Variants in RABAC1 observed in about 807,000 individuals in gnomAD.
The protein encoded by RABAC1 is Rab acceptor 1.
RABAC1 carries 16 observed loss-of-function variants against 22.9 expected under a neutral mutation model. The observed-to-expected ratio is 0.70, with a 90% CI of 0.47 to 1.06. RABAC1 has a LOEUF of 1.06. Among genes scored for constraint, RABAC1 ranks in the 50% least tolerant of loss-of-function variants. The pLI is 0.00. For missense variants in RABAC1, 227 were observed against 246.5 expected (o/e 0.92, Z 0.53); for synonymous variants, 139 against 107.7 (o/e 1.29, Z -1.80).
At chr19:41,957,161 G>T in intron 3 of RABAC1, 42 bp from the exon 4 acceptor site, 1 of 1,534,942 alleles carries the variant, frequency 6.5e-7, no homozygotes, top group Non-Finnish European at 9.0e-7. Flanking sequence ...GACTCTCCAT[G>T]CCCTCTCCCA....
Position 41,958,294 on chromosome 19 carries a change from A to G in RABAC1, c.359T>C (p.Val120Ala). The G allele has an allele frequency of 6.2e-7, 1 of 1,612,088 alleles. No individual in the cohort carries two copies. The highest frequency in any genetic ancestry group is 2.2e-5 in the East Asian group (1 of 44,868). Residue 120 changes from valine to alanine, a missense_variant, in exon 3 of 5, where the codon GTG (valine) becomes GCG (alanine). By Grantham distance (64) the Val-to-Ala change is moderately conservative. Transcript: ENST00000222008. ...GGCAGGGGGTTTCTCACCAAAGAGC[A>G]CAAGCTTGGACTCCAAGGTGCGCAG... is the stretch of plus-strand genomic sequence containing the variant. ...LYLRTLESKL[V>A]LFGREVSPAH...
Position 41,956,874 on chromosome 19 carries a change from C to T in RABAC1, c.530G>A (p.Gly177Glu). The T allele has an allele frequency of 6.2e-7, 1 of 1,612,426 alleles. No individual in the cohort carries two copies. The highest frequency in any genetic ancestry group is 8.5e-7 in the Non-Finnish European group (1 of 1,179,504). The change falls in exon 5 of 5, where the codon GGG (glycine) becomes GAG (glutamate). Residue 177 changes from glycine (G) to glutamate (E), a missense_variant. Transcript: ENST00000222008. ...AAFHQIEAVD[G>E]EELQMEPV ...CACGGGTTCCATCTGCAGCTCCTCC[C>T]CGTCCACAGCCTCAATCTGGTGGAA...
chr19:41,957,128 A>G lies in RABAC1; in HGVS notation c.368-9T>C. On this transcript the variant is annotated splice_polypyrimidine_tract_variant and intron_variant, in intron 3 of 4. Coordinates refer to ENST00000222008, the MANE Select transcript of RABAC1 (RefSeq NM_006423.3). ...TGGGCTCACCTCTCGGCCTGGGGGC[A>G]GATGGCATTGGGGTGCTGTTCCGAC... 1 of 1,611,990 alleles carries G rather than the reference A, an allele frequency of 6.2e-7. No homozygotes were observed. The highest frequency in any genetic ancestry group is 8.5e-7 in the Non-Finnish European group (1 of 1,178,850).
At chr19:41,957,927 G>C (rs920527925) in intron 3 of RABAC1, 11 of 286,418 alleles carry the variant, frequency 3.8e-5, no homozygotes, top group Non-Finnish European at 7.6e-5. Context: ...ATCTAGGCCA[G>C]TGTAAGGTGG....
At chr19:41,959,216 G>A in intron 1 of RABAC1, 21 bp downstream of exon 1, 5 of 1,613,158 alleles carry the variant, frequency 3.1e-6, no homozygotes, top group Non-Finnish European at 4.2e-6. Context: ...TGGTCCGAGG[G>A]CCTAGAGCCA....
In RABAC1 at chr19:41,958,908, C is replaced by A; in HGVS notation, c.97G>T (p.Glu33Ter). 6.3e-7 allele frequency: 1 copy of A among 1,594,878 alleles called. No individual in the cohort carries two copies. The highest frequency in any genetic ancestry group is 2.3e-5 in the East Asian group (1 of 44,254). ...PKLIPSGAGREWLERRRATIR... is the reference protein window; with the variant it reads ...PKLIPSGAGR ...GTCGCGCGGCGCCGCTCCAGCCACT[C>A]CCGGCCTGCACCGGAGGGAATCAGC... Residue 33 changes from glutamate (E) to a stop codon, truncating the protein, a stop_gained, in exon 2 of 5, where the codon GAG becomes TAG. Coordinates refer to ENST00000222008, the MANE Select transcript of RABAC1 (RefSeq NM_006423.3). LOFTEE classifies it high-confidence loss of function.
In RABAC1 at chr19:41,958,957, G is replaced by A. The variant is rs1467386446; in HGVS notation, c.57-9C>T. The A allele has an allele frequency of 5.1e-6, 8 of 1,553,978 alleles. No individual in the cohort carries two copies. Among genetic ancestry groups the A allele is most frequent in the South Asian group, 1.2e-5 (1 of 85,802 alleles). ...GCTTCGGCAGCAGGGTCCTGCGGGGGGTGGGGCCGGGTCAGTGGTGGACCG... is the reference window on the plus strand; with the variant it reads ...GCTTCGGCAGCAGGGTCCTGCGGGGAGTGGGGCCGGGTCAGTGGTGGACCG... On this transcript the variant is annotated splice_polypyrimidine_tract_variant and intron_variant, in intron 1 of 4. Transcript: ENST00000222008.
At position 41,958,968 on chromosome 19, in the gene RABAC1, G is replaced by A. The variant is rs550381943; in HGVS notation, c.57-20C>T. The A allele has an allele frequency of 3.2e-6, 5 of 1,544,616 alleles. No homozygotes were observed. In the Admixed American group the frequency reaches 7.7e-5, roughly 24 times the overall value. ...AGGGTCCTGCGGGGGGTGGGGCCGG[G>A]TCAGTGGTGGACCGGGATGGAGCCC... On this transcript the variant is annotated intron_variant, in intron 1 of 4. Coordinates refer to ENST00000222008, the MANE Select transcript of RABAC1 (RefSeq NM_006423.3).
Position 41,959,228 on chromosome 19 carries a change from C to T in RABAC1, c.56+9G>A, listed in dbSNP as rs1555857368. Reference sequence around the variant, plus strand: ...CTCTGGTCCGAGGGCCTAGAGCCAGCTCGCTCACGTGCCGCTCAGCCCTTC... The same window carrying T: ...CTCTGGTCCGAGGGCCTAGAGCCAGTTCGCTCACGTGCCGCTCAGCCCTTC... On this transcript the variant is annotated intron_variant, in intron 1 of 4. Coordinates refer to ENST00000222008, the MANE Select transcript of RABAC1 (RefSeq NM_006423.3). 1.9e-6 allele frequency: 3 copies of T among 1,613,402 alleles called. No homozygotes were observed. Among genetic ancestry groups the T allele is most frequent in the Admixed American group, 1.7e-5 (1 of 60,024 alleles).
chr19:41,959,019 A>G, intron 1 of RABAC1, 71 bp from the exon 2 acceptor site: 1 of 1,448,820 alleles, frequency 6.9e-7, no homozygotes, highest in Non-Finnish European at 9.2e-7. Context: ...GAAGGGGACT[A>G]AGGGTGCCTG....
At chr19:41,957,744 A>G (rs1463375473) in intron 3 of RABAC1, 1 of 159,278 alleles carries the variant, frequency 6.3e-6, no homozygotes, top group Non-Finnish European at 1.4e-5. Context: ...CCCTGACCCC[A>G]CTCCAAACCT....
intron 3 of RABAC1, 45 bp from the exon 4 acceptor site, chr19:41,957,164 CT>C: frequency 6.6e-7 from 1 of 1,518,810 alleles, no homozygotes; most frequent in Non-Finnish European, 9.1e-7. Context: ...TCTCCATGCC[CT>C]CTCCCAGAGT....
intron 3 of RABAC1, chr19:41,957,434 C>T (rs1434911380): frequency 5.6e-6 from 2 of 354,228 alleles, no homozygotes; most frequent in Non-Finnish European, 1.0e-5. Context: ...CTCGCGCAGA[C>T]CAGGGTCTCA....
At chr19:41,958,227 C>T in intron 3 of RABAC1, 59 bp downstream of exon 3, 1 of 1,496,140 alleles carries the variant, frequency 6.7e-7, no homozygotes, top group Non-Finnish European at 9.2e-7. Context: ...GGTCTGTCTG[C>T]ATTCCAAAAG....
intron 2 of RABAC1, 36 bp from the exon 3 acceptor site, chr19:41,958,419 G>A (rs1431199501): frequency 6.3e-7 from 1 of 1,581,720 alleles, no homozygotes; most frequent in African/African-American, 1.3e-5. Context: ...CGGTTAGACA[G>A]CTGGGGCTGG....
intron 3 of RABAC1, chr19:41,957,992 A>AAGGGGAGGAGAGAG (rs1314298125): frequency 1.4e-5 from 5 of 346,434 alleles, no homozygotes; most frequent in Admixed American, 4.2e-5. Context: ...AGAGAGCGGC[A>AAGGGGAGGAGAGAG]AGGGGAGGAG....
At chr19:41,958,458 C>T (rs1268222537) in intron 2 of RABAC1, 75 bp from the exon 3 acceptor site, 27 of 1,414,800 alleles carry the variant, frequency 1.9e-5, no homozygotes, top group Non-Finnish European at 2.5e-5. Context: ...GCCTTCTCCA[C>T]CGGCGGGCGG....
chr19:41,959,208 G>T (rs1568847749), intron 1 of RABAC1, 29 bp downstream of exon 1: 1 of 1,612,970 alleles, frequency 6.2e-7, no homozygotes, highest in Non-Finnish European at 8.5e-7. Context: ...CGGGTCTCTG[G>T]TCCGAGGGCC....
In RABAC1 at chr19:41,958,341, G is replaced by A. The variant is rs1555857004; in HGVS notation, c.312C>T (p.Phe104=). 1 of 1,613,542 alleles carries A rather than the reference G, an allele frequency of 6.2e-7. No homozygotes were observed. The highest frequency in any genetic ancestry group is 8.5e-7 in the Non-Finnish European group (1 of 1,179,866). Residue 104 remains phenylalanine (F), a synonymous_variant, in exon 3 of 5, where the codon TTC becomes TTT. Transcript: ENST00000222008. ...PMLLVALAVF[F]GACYILYLRT... ...GCAGATAGAGAATGTAACAGGCGCC[G>A]AAAAAGACAGCCAGAGCCACCAGCA... is the stretch of plus-strand genomic sequence containing the variant.
Sources: gnomAD v4.1 joint callset for allele counts on GRCh38, gnomAD v4.1.1 for gene constraint, MANE v1.5 for transcripts, NCBI Gene and HGNC (gene_info 2026-07-23, HGNC 2026-07-21) for gene names.